Variants in RORA observed in about 807,000 individuals in gnomAD.
RORA encodes RAR related orphan receptor A.
A neutral mutation model predicts 69.5 loss-of-function variants in RORA; 7 were observed. The observed-to-expected ratio is 0.10, with a 90% CI of 0.06 to 0.19. The LOEUF (loss-of-function observed/expected upper bound fraction) is 0.19. Ranked by LOEUF, RORA falls within the 10% of genes least tolerant of loss-of-function variation. RORA has a pLI of 1.00. For missense variants in RORA, 457 were observed against 663.0 expected, an observed-to-expected ratio of 0.69 and a Z score of 3.41; for synonymous variants, 261 against 240.8, an observed-to-expected ratio of 1.08 and a Z score of -0.78.
At chr15:60,631,758 C>T (rs922150431) in intron 2 of RORA, among the ~76,000 whole-genome samples, 3 of 152,212 alleles carry the variant, frequency 2.0e-5, no homozygotes, top group Non-Finnish European at 2.9e-5. Context: ...CCTGGCTTAC[C>T]TCACTTCTCA....
chr15:60,645,315 AAAG>A (rs1247607201), intron 2 of RORA, among the ~76,000 whole-genome samples: 2 of 151,958 alleles, frequency 1.3e-5, no homozygotes, highest in Non-Finnish European at 2.9e-5. Flanking sequence ...CAAAAAGGAC[AAAG>A]GAGGGAGATG....
chr15:60,841,647 A>T (rs142278170), intron 1 of RORA, among the ~76,000 whole-genome samples: 73 of 152,272 alleles, frequency 4.8e-4, no homozygotes, highest in African/African-American at 1.7e-3. Flanking sequence ...ATTAGAAATG[A>T]TGGAATAATT....
intron 3 of RORA, among the ~76,000 whole-genome samples, chr15:60,515,923 ATATT>A (rs1293898637): frequency 1.9e-5 from 1 of 52,930 alleles, no homozygotes; most frequent in African/African-American, 1.1e-4. Context: ...ATTTATATAT[ATATT>A]TATATATATA....
intron 1 of RORA, among the ~76,000 whole-genome samples, chr15:60,942,562 A>G (rs1031426218): frequency 1.3e-5 from 2 of 152,236 alleles, no homozygotes; most frequent in African/African-American, 2.4e-5. Flanking sequence ...GCACACATTC[A>G]TGTGAGCAGT....
intron 1 of RORA, among the ~76,000 whole-genome samples, chr15:60,746,620 C>T (rs1263900337): frequency 6.6e-6 from 1 of 152,172 alleles, no homozygotes; most frequent in Non-Finnish European, 1.5e-5. Flanking sequence ...CCCAAGGAGA[C>T]AGAAGTTTCT....
At chr15:60,968,360 C>T (rs1893616982) in intron 1 of RORA, among the ~76,000 whole-genome samples, 1 of 152,162 alleles carries the variant, frequency 6.6e-6, no homozygotes, top group South Asian at 2.1e-4. Context: ...AATTGTGGGT[C>T]CCACCCTCAG....
chr15:61,040,067 C>T (rs1206820663), intron 1 of RORA, among the ~76,000 whole-genome samples: 1 of 137,444 alleles, frequency 7.3e-6, no homozygotes, highest in Admixed American at 7.4e-5. Flanking sequence ...GTGTGTATCA[C>T]CCATATTACA....
chr15:60,908,104 C>T (rs1179990902), intron 1 of RORA, among the ~76,000 whole-genome samples: 2 of 152,162 alleles, frequency 1.3e-5, no homozygotes, highest in African/African-American at 2.4e-5. Flanking sequence ...CTGCCCATAG[C>T]TCACCCAGGG....
intron 1 of RORA, among the ~76,000 whole-genome samples, chr15:60,946,769 G>A (rs563886500): frequency 2.2e-4 from 32 of 148,654 alleles, no homozygotes; most frequent in African/African-American, 8.0e-4. Flanking sequence ...CGGCTGCCCA[G>A]TCTGGGAAGT....
chr15:60,610,750 A>AT (rs1251253697), intron 2 of RORA, among the ~76,000 whole-genome samples: 3 of 152,128 alleles, frequency 2.0e-5, no homozygotes, highest in Non-Finnish European at 4.4e-5. Context: ...AGGAAAAAAA[A>AT]CCCCAAAAAC....
intron 1 of RORA, among the ~76,000 whole-genome samples, chr15:61,099,494 A>G (rs2078846187): frequency 6.6e-6 from 1 of 152,218 alleles, no homozygotes; most frequent in South Asian, 2.1e-4. Context: ...AGGAGAATGG[A>G]AAGGTAAGCT....
intron 1 of RORA, among the ~76,000 whole-genome samples, chr15:60,891,486 G>T (rs1260059931): frequency 6.6e-6 from 1 of 152,200 alleles, no homozygotes; most frequent in African/African-American, 2.4e-5. Context: ...ACAGACATGA[G>T]AGGAACAATA....
At chr15:60,729,510 T>G (rs1385146249) in intron 1 of RORA, among the ~76,000 whole-genome samples, 1 of 152,208 alleles carries the variant, frequency 6.6e-6, no homozygotes, top group Non-Finnish European at 1.5e-5. Context: ...TCTCCATTGT[T>G]AGAATTCACC....
chr15:60,498,050 C>T (rs886087208), intron 10 of RORA, among the ~76,000 whole-genome samples: 2 of 152,006 alleles, frequency 1.3e-5, no homozygotes, highest in Non-Finnish European at 2.9e-5. Flanking sequence ...CAGAGCAAGA[C>T]TCTGTCTCTT....
chr15:60,591,679 C>T (rs558968405), intron 2 of RORA, among the ~76,000 whole-genome samples: 29 of 152,300 alleles, frequency 1.9e-4, no homozygotes, highest in Middle Eastern at 3.4e-3. Flanking sequence ...CACCTCCATC[C>T]ACCAGCCAAA....
At chr15:60,899,380 C>T (rs989025950) in intron 1 of RORA, among the ~76,000 whole-genome samples, 1 of 152,166 alleles carries the variant, frequency 6.6e-6, no homozygotes, top group African/African-American at 2.4e-5. Flanking sequence ...CAGCTCTTAT[C>T]TGATTGAAAT....
chr15:60,781,886 G>A (rs2072265203), intron 1 of RORA, among the ~76,000 whole-genome samples: 1 of 152,208 alleles, frequency 6.6e-6, no homozygotes, highest in Non-Finnish European at 1.5e-5. Flanking sequence ...GCCCAGCAGC[G>A]TGAACTGGAC....
At chr15:60,974,089 T>C (rs998330418) in intron 1 of RORA, among the ~76,000 whole-genome samples, 1 of 152,200 alleles carries the variant, frequency 6.6e-6, no homozygotes, top group Non-Finnish European at 1.5e-5. Context: ...AATGAGCAGA[T>C]GAAGAAGACT....
chr15:61,056,401 T>A (rs552336437), intron 1 of RORA, among the ~76,000 whole-genome samples: 1 of 152,210 alleles, frequency 6.6e-6, no homozygotes, highest in Non-Finnish European at 1.5e-5. Flanking sequence ...CTGAATCCCA[T>A]GCTCCTTCCA....
Sources: gnomAD v4.1 joint callset for allele counts (sites outside exome capture counted in the v4.1 genomes callset) on GRCh38, gnomAD v4.1.1 for gene constraint, MANE v1.5 for transcripts, NCBI Gene and HGNC (gene_info 2026-07-23, HGNC 2026-07-21) for gene names.